The following P4HA1 variants were observed in gnomAD, a reference collection of about 807,000 sequenced individuals.
The protein encoded by P4HA1 is prolyl 4-hydroxylase subunit alpha 1.
In P4HA1, 24 loss-of-function variants were observed where a neutral mutation model predicts 72.8. The observed-to-expected ratio is 0.33, with a 90% CI of 0.24 to 0.46. The LOEUF is 0.46. P4HA1 is among the 20% of genes least tolerant of loss of function. The probability of loss-of-function intolerance (pLI) is 1.00; values close to 1 mark genes in which losing one functional copy is unlikely to be tolerated. For synonymous variants in P4HA1, 201 were observed against 218.8 expected (o/e 0.92, Z 0.72); for missense variants, 446 against 640.6 (o/e 0.70, Z 3.28).
At chr10:73,090,368 A>G (rs1842003310) in intron 1 of P4HA1, among the ~76,000 whole-genome samples, 1 of 152,154 alleles carries the variant, frequency 6.6e-6, no homozygotes, top group Admixed American at 6.5e-5. Flanking sequence ...TCCTGGGCTC[A>G]AGCAGTCCTC....
intron 1 of P4HA1, among the ~76,000 whole-genome samples, chr10:73,090,033 C>A (rs1841997230): frequency 1.3e-5 from 2 of 152,264 alleles, no homozygotes; most frequent in South Asian, 4.1e-4. Context: ...AGGGTTTTAC[C>A]ATGTTGCGCA....
chr10:73,068,244 A>G (rs1841472567), intron 5 of P4HA1, among the ~76,000 whole-genome samples: 2 of 152,202 alleles, frequency 1.3e-5, no homozygotes, highest in African/African-American at 4.8e-5. Context: ...ATCAATTTCA[A>G]TGTGAAGACA....
At chr10:73,023,523 T>C (rs1840187204) in intron 10 of P4HA1, among the ~76,000 whole-genome samples, 1 of 152,116 alleles carries the variant, frequency 6.6e-6, no homozygotes, top group African/African-American at 2.4e-5. Flanking sequence ...GAACAACTGG[T>C]ACCAGCCACT....
chr10:73,023,873 C>G (rs1275315284), intron 10 of P4HA1, among the ~76,000 whole-genome samples: 1 of 150,456 alleles, frequency 6.6e-6, no homozygotes, highest in Admixed American at 6.6e-5. Context: ...TAAACCAACA[C>G]AGATCAAAAG....
chr10:73,076,346 G>C (rs1841696632), intron 1 of P4HA1, among the ~76,000 whole-genome samples: 1 of 148,954 alleles, frequency 6.7e-6, no homozygotes. Flanking sequence ...ATACAGGTCT[G>C]TACCACTGTG....
At chr10:73,046,135 C>T (rs1331115928) in intron 8 of P4HA1, among the ~76,000 whole-genome samples, 1 of 152,122 alleles carries the variant, frequency 6.6e-6, no homozygotes, top group African/African-American at 2.4e-5. Flanking sequence ...TGACAGAGAT[C>T]ATATGGCCTC....
intron 4 of P4HA1, among the ~76,000 whole-genome samples, chr10:73,069,809 TTG>T (rs1841508917): frequency 1.3e-5 from 2 of 151,418 alleles, no homozygotes; most frequent in East Asian, 1.9e-4. Context: ...ATCAACTGTT[TTG>T]TTTTTTTTTT....
intron 7 of P4HA1, among the ~76,000 whole-genome samples, chr10:73,048,718 C>T (rs1259239906): frequency 6.6e-6 from 1 of 152,020 alleles, no homozygotes; most frequent in Non-Finnish European, 1.5e-5. Flanking sequence ...GAAATTTGAA[C>T]ACTAGATATT....
chr10:73,069,086 C>T (rs1010973897), intron 4 of P4HA1, 103 bp from the exon 5 acceptor site: 1 of 868,026 alleles, frequency 1.2e-6, no homozygotes, highest in African/African-American at 1.7e-5. Flanking sequence ...TTATTTTCTA[C>T]CACACCATGA....
intron 1 of P4HA1, among the ~76,000 whole-genome samples, chr10:73,095,586 T>TC (rs1019222698): frequency 2.7e-5 from 4 of 148,624 alleles, no homozygotes; most frequent in African/African-American, 2.5e-5. Context: ...TCTTTGCCCC[T>TC]CCCCCCTTCA....
intron 7 of P4HA1, among the ~76,000 whole-genome samples, chr10:73,050,784 T>C (rs1841001420): frequency 1.3e-5 from 2 of 152,166 alleles, no homozygotes; most frequent in African/African-American, 4.8e-5. Flanking sequence ...TAACTCACTG[T>C]GCCCCTGAAC....
intron 10 of P4HA1, among the ~76,000 whole-genome samples, chr10:73,024,906 T>A (rs544866062): frequency 1.3e-5 from 2 of 152,246 alleles, no homozygotes; most frequent in East Asian, 3.9e-4. Context: ...ATGGATAAAT[T>A]CCTGGACACA....
rs16930262 is a variant in P4HA1 at position 73,007,937 on chromosome 10, C to T, written c.*285G>A. On this transcript the variant is annotated 3_prime_UTR_variant, in exon 15 of 15. Coordinates refer to ENST00000394890, the MANE Select transcript of P4HA1 (RefSeq NM_001017962.3). Reference sequence around the variant, plus strand: ...TGGATGCTCAAATTATGTTTTTATCCAACCAAAAAGTTCTTTAAATATAAA... The same window carrying T: ...TGGATGCTCAAATTATGTTTTTATCTAACCAAAAAGTTCTTTAAATATAAA... 0.092 allele frequency: 26,491 copies of T among 287,482 alleles called. 962 individuals are homozygous for T. Among genetic ancestry groups the T allele is most frequent in the East Asian group, 0.25 (4,362 of 17,294 alleles). 17.8% of individuals were successfully genotyped at this position (287,482 alleles called of 1,614,324 possible).
intron 9 of P4HA1, among the ~76,000 whole-genome samples, chr10:73,030,693 AT>A (rs1840413449): frequency 1.3e-5 from 2 of 152,226 alleles, no homozygotes; most frequent in Non-Finnish European, 2.9e-5. Flanking sequence ...TTAAAAAACC[AT>A]ACCAAACAAA....
chr10:73,063,474 A>G (rs955584420), intron 5 of P4HA1, among the ~76,000 whole-genome samples: 2 of 152,270 alleles, frequency 1.3e-5, no homozygotes, highest in African/African-American at 4.8e-5. Flanking sequence ...TAGTCCAACA[A>G]CAGCAGATGC....
chr10:73,050,553 A>C (rs937863848), intron 7 of P4HA1, among the ~76,000 whole-genome samples: 1 of 152,028 alleles, frequency 6.6e-6, no homozygotes, highest in Admixed American at 6.6e-5. Flanking sequence ...TACAAAAATT[A>C]GCCGGGTATG....
chr10:73,096,261 G>A (rs944423910), intron 1 of P4HA1, among the ~76,000 whole-genome samples: 1 of 152,144 alleles, frequency 6.6e-6, no homozygotes, highest in Non-Finnish European at 1.5e-5. Context: ...CTTTCGATAG[G>A]GCAAAAATGC....
chr10:73,014,616 A>G (rs1015093574), intron 11 of P4HA1, among the ~76,000 whole-genome samples: 1 of 152,180 alleles, frequency 6.6e-6, no homozygotes, highest in Admixed American at 6.5e-5. Flanking sequence ...TACTTTAGAC[A>G]AGATTACTGG....
intron 10 of P4HA1, 44 bp from the exon 11 acceptor site, chr10:73,016,943 T>G: frequency 6.7e-7 from 1 of 1,497,592 alleles, no homozygotes; most frequent in Non-Finnish European, 9.2e-7. Flanking sequence ...ACTATAAAGA[T>G]TACTATTCAA....
Sources: allele counts gnomAD v4.1 joint callset (sites outside exome capture counted in the v4.1 genomes callset), GRCh38; gene constraint gnomAD v4.1.1; transcripts MANE v1.5; gene names NCBI Gene and HGNC (gene_info 2026-07-23, HGNC 2026-07-21).